The following DCLK1 variants were observed in gnomAD, a reference collection of about 807,000 sequenced individuals.
The protein encoded by DCLK1 is serine/threonine-protein kinase DCLK1.
DCLK1 carries 16 observed loss-of-function variants against 86.2 expected under a neutral mutation model. The ratio of observed to expected loss-of-function variants is 0.19; its 90% CI spans 0.13 to 0.28. DCLK1 has a LOEUF of 0.28. DCLK1 is among the 10% of genes least tolerant of loss of function. The probability of loss-of-function intolerance (pLI) is 1.00; values close to 1 mark genes in which losing one functional copy is unlikely to be tolerated. For synonymous variants in DCLK1, 369 were observed against 370.5 expected (o/e 1.00, Z 0.05); for missense variants, 590 against 940.2 (o/e 0.63, Z 4.87).
At chr13:36,033,452 G>A (rs374690747) in intron 3 of DCLK1, among the ~76,000 whole-genome samples, 24 of 152,240 alleles carry the variant, frequency 1.6e-4, no homozygotes, top group African/African-American at 5.5e-4. Context: ...AAGAACTTAG[G>A]CTTTGGAATC....
chr13:35,998,144 G>A (rs1382331125), intron 3 of DCLK1, among the ~76,000 whole-genome samples: 1 of 151,888 alleles, frequency 6.6e-6, no homozygotes, highest in Non-Finnish European at 1.5e-5. Flanking sequence ...TTTAAATTCT[G>A]AATAAAATTA....
At chr13:36,014,988 C>T (rs1320784414) in intron 3 of DCLK1, among the ~76,000 whole-genome samples, 3 of 67,338 alleles carry the variant, frequency 4.5e-5, no homozygotes, top group Non-Finnish European at 5.5e-5. Flanking sequence ...TTCTCTCTCC[C>T]TCTCTCTCTC....
At chr13:36,056,421 T>A (rs1306561036) in intron 3 of DCLK1, among the ~76,000 whole-genome samples, 3 of 104,496 alleles carry the variant, frequency 2.9e-5, no homozygotes, top group African/African-American at 3.7e-5. Context: ...AACAATGAGA[T>A]CACATGGACA....
chr13:35,866,999 G>A (rs745830570), intron 5 of DCLK1, among the ~76,000 whole-genome samples: 7 of 152,290 alleles, frequency 4.6e-5, no homozygotes, highest in Middle Eastern at 3.4e-3. Context: ...GCCTCTAGGA[G>A]AACTGGCAAC....
intron 3 of DCLK1, among the ~76,000 whole-genome samples, chr13:35,977,602 T>A (rs1246067136): frequency 6.6e-6 from 1 of 151,684 alleles, no homozygotes; most frequent in Non-Finnish European, 1.5e-5. Flanking sequence ...ATTTTTTTTT[T>A]AATTCCACAC....
chr13:35,938,497 C>T (rs905622498), intron 4 of DCLK1, among the ~76,000 whole-genome samples: 1 of 151,992 alleles, frequency 6.6e-6, no homozygotes, highest in Non-Finnish European at 1.5e-5. Flanking sequence ...GGCATGATGG[C>T]ACGTGCCTGT....
chr13:35,917,933 G>A (rs1327452861), intron 4 of DCLK1, among the ~76,000 whole-genome samples: 1 of 152,140 alleles, frequency 6.6e-6, no homozygotes, highest in Non-Finnish European at 1.5e-5. Context: ...GCAGCCACGG[G>A]CAAGGGCAGA....
chr13:35,956,098 T>C (rs1315070041), intron 3 of DCLK1, among the ~76,000 whole-genome samples: 1 of 152,202 alleles, frequency 6.6e-6, no homozygotes, highest in Non-Finnish European at 1.5e-5. Context: ...CTTGCCCCTC[T>C]TTCACTTAAG....
At position 36,013,727 on chromosome 13, in the gene DCLK1, A is replaced by T. The variant is rs9575114; in HGVS notation, c.724-66270T>A. On this transcript the variant is annotated intron_variant, in intron 3 of 16. Transcript: ENST00000360631. Reference sequence around the variant, plus strand: ...AGAGGTGGAGCCTACAGAGGCAGGCAGGCTTCCTTGAGCTGTGGTGGGCTC... The same window carrying T: ...AGAGGTGGAGCCTACAGAGGCAGGCTGGCTTCCTTGAGCTGTGGTGGGCTC... Among the ~76,000 whole-genome samples the T allele has an allele frequency of 4.6e-5, 7 of 152,312 alleles. No individual in the cohort carries two copies. The East Asian group carries it at 9.7e-4, about 21-fold the overall frequency.
intron 3 of DCLK1, among the ~76,000 whole-genome samples, chr13:36,061,748 T>G (rs1470092017): frequency 6.6e-6 from 1 of 152,208 alleles, no homozygotes; most frequent in African/African-American, 2.4e-5. Context: ...ACTTAGTGTT[T>G]GACAGAGAGC....
chr13:35,999,199 G>A (rs544076998), intron 3 of DCLK1, among the ~76,000 whole-genome samples: 1 of 152,064 alleles, frequency 6.6e-6, no homozygotes, highest in South Asian at 2.1e-4. Flanking sequence ...AGGTTGCAGT[G>A]AGCCGAGATC....
intron 6 of DCLK1, among the ~76,000 whole-genome samples, chr13:35,843,074 C>T (rs1869918752): frequency 6.6e-6 from 1 of 152,170 alleles, no homozygotes; most frequent in African/African-American, 2.4e-5. Flanking sequence ...CCAACGGATG[C>T]TGAAAAGCCC....
chr13:36,093,223 A>G (rs1179524766), intron 3 of DCLK1, among the ~76,000 whole-genome samples: 1 of 152,232 alleles, frequency 6.6e-6, no homozygotes, highest in Non-Finnish European at 1.5e-5. Context: ...TTGGCAGTGT[A>G]CCATATTTGC....
intron 3 of DCLK1, among the ~76,000 whole-genome samples, chr13:36,074,121 C>T (rs1389788185): frequency 6.6e-6 from 1 of 152,082 alleles, no homozygotes; most frequent in Non-Finnish European, 1.5e-5. Context: ...TGTCATGCTA[C>T]CACACTGATT....
intron 3 of DCLK1, among the ~76,000 whole-genome samples, chr13:36,068,451 C>T (rs1057106931): frequency 2.0e-5 from 3 of 152,094 alleles, no homozygotes; most frequent in African/African-American, 7.2e-5. Flanking sequence ...CTTTGGAGAA[C>T]TTCTATGTAA....
At chr13:35,961,443 T>TCTAAC (rs1215975977) in intron 3 of DCLK1, among the ~76,000 whole-genome samples, 2 of 152,224 alleles carry the variant, frequency 1.3e-5, no homozygotes, top group African/African-American at 4.8e-5. Context: ...TAACAGCTGT[T>TCTAAC]AGATTCAGAC....
intron 5 of DCLK1, among the ~76,000 whole-genome samples, chr13:35,871,023 C>T (rs1242215146): frequency 6.6e-6 from 1 of 152,190 alleles, no homozygotes. Context: ...TCACTAAGTA[C>T]ATTTTTTGAA....
At chr13:36,112,568 A>G (rs1885653299) in intron 2 of DCLK1, among the ~76,000 whole-genome samples, 1 of 152,234 alleles carries the variant, frequency 6.6e-6, no homozygotes, top group African/African-American at 2.4e-5. Context: ...AAATCTGCAG[A>G]AAATTTCAAA....
At chr13:35,786,457 C>G (rs1487756361) in intron 16 of DCLK1, among the ~76,000 whole-genome samples, 5 of 152,036 alleles carry the variant, frequency 3.3e-5, no homozygotes, top group Non-Finnish European at 7.4e-5. Context: ...CAAAACCAGC[C>G]AAAGCTAATT....
Sources: gnomAD v4.1 joint callset for allele counts (sites outside exome capture counted in the v4.1 genomes callset) on GRCh38, gnomAD v4.1.1 for gene constraint, MANE v1.5 for transcripts, NCBI Gene and HGNC (gene_info 2026-07-23, HGNC 2026-07-21) for gene names.